The following CDHR5 variants were observed in gnomAD, a reference collection of about 807,000 sequenced individuals.
The protein encoded by CDHR5 is cadherin related family member 5, also known as cadherin-related family member 5.
A neutral mutation model predicts 69.5 loss-of-function variants in CDHR5; 82 were observed. The observed-to-expected ratio is 1.18, with a 90% CI of 0.99 to 1.42. The LOEUF (loss-of-function observed/expected upper bound fraction) is 1.42, where lower values mean the gene tolerates loss of function less well. Among genes scored for constraint, CDHR5 ranks in the 40% most tolerant of loss-of-function variants. CDHR5 has a pLI of 0.00. For missense variants in CDHR5, 1,293 were observed against 1,168.9 expected, an observed-to-expected ratio of 1.11 and a Z score of -1.55; for synonymous variants, 601 against 510.2, an observed-to-expected ratio of 1.18 and a Z score of -2.40.
chr11:623,360 C>T (rs748996509), intron 3 of CDHR5, among the ~76,000 whole-genome samples: 11 of 152,126 alleles, frequency 7.2e-5, no homozygotes, highest in Admixed American at 1.3e-4. Context: ...GTGCAGGTGA[C>T]GTGCCGTGGT....
intron 9 of CDHR5, 58 bp downstream of exon 9, chr11:620,009 C>T (rs993233400): frequency 3.0e-5 from 40 of 1,338,120 alleles, no homozygotes; most frequent in Middle Eastern, 2.5e-4. Context: ...CCTGACCCCC[C>T]GCCCTACCTT....
intron 12 of CDHR5, 47 bp downstream of exon 12, chr11:619,259 G>A: frequency 6.6e-7 from 1 of 1,513,206 alleles, no homozygotes; most frequent in Non-Finnish European, 9.1e-7. Context: ...CCACCGAAGG[G>A]GCTTATTTGG....
Position 619,187 on chromosome 11 carries a change from G to T in CDHR5, c.1379-7C>A, listed in dbSNP as rs753305678. On this transcript the variant is annotated splice_polypyrimidine_tract_variant and splice_region_variant and intron_variant, in intron 12 of 14. Coordinates refer to ENST00000397542, the MANE Select transcript of CDHR5 (RefSeq NM_021924.5). ...TCTGGGGATGGGGGGACATCTGGGG[G>T]CCGGGAACAGTGCTTGGGCTTGCCT... 4.6e-6 allele frequency: 7 copies of T among 1,512,702 alleles called. No homozygotes were observed. The highest frequency in any genetic ancestry group is 2.3e-5 in the East Asian group (1 of 43,214). The allele number at this position is 1,512,702 out of a possible 1,614,324, so 93.7% of individuals were successfully genotyped here.
chr11:617,619 C>T lies in CDHR5; in HGVS notation c.2270G>A (p.Gly757Asp). Residue 757 changes from glycine to aspartate, a missense_variant, in exon 15 of 15, where the codon GGT (glycine) becomes GAT (aspartate). By Grantham distance (94) the Gly-to-Asp change is moderately conservative. Coordinates refer to ENST00000397542, the MANE Select transcript of CDHR5 (RefSeq NM_021924.5). ...PAPPGPASPG[G>D]APEPPAAARA... ...GGCCGCTGCGGGGGGCTCAGGGGCA[C>T]CGCCTGGGGAGGCAGGGCCGGGGGG... The T allele has an allele frequency of 6.3e-7, 1 of 1,596,152 alleles. No homozygotes were observed.
At chr11:617,866 ACAT>A in intron 14 of CDHR5, 85 bp downstream of exon 14, 1 of 1,514,788 alleles carries the variant, frequency 6.6e-7, no homozygotes, top group Middle Eastern at 2.2e-4. Flanking sequence ...CTCCGTCTCC[ACAT>A]CTGTCCCTCT....
At position 621,420 on chromosome 11, in the gene CDHR5, G is replaced by A. The variant is rs1857377842; in HGVS notation, c.543C>T (p.Asn181=). The part of the protein sequence containing the change: ...ASDYFSLVSV[N]RPALRLDRPL... ...GCCGGTCCAGCCTCAGGGCGGGACG[G>A]TTTACACTCACCAGGGAGAAGTAGT... The change falls in exon 6 of 15, where the codon AAC becomes AAT. Residue 181 remains asparagine, a synonymous_variant. Transcript: ENST00000397542. The surrounding 1 kb of genome is among the most constrained non-coding windows in gnomAD (Gnocchi z 4.4). 2 of 1,612,776 alleles carry A rather than the reference G, an allele frequency of 1.2e-6. No homozygotes were observed. Among genetic ancestry groups the A allele is most frequent in the African/African-American group, 2.7e-5 (2 of 75,054 alleles).
chr11:620,980 C>CA, intron 7 of CDHR5, 100 bp downstream of exon 7: 1 of 806,622 alleles, frequency 1.2e-6, no homozygotes, highest in Admixed American at 3.2e-5. Flanking sequence ...GCCCCACCCC[C>CA]TGACCCCGAC....
At chr11:623,702 G>A (rs1300054470) in intron 3 of CDHR5, among the ~76,000 whole-genome samples, 1 of 152,112 alleles carries the variant, frequency 6.6e-6, no homozygotes. Context: ...ACATCCACAG[G>A]GGCTGTTCTG....
chr11:622,229 C>T (rs1186353850), intron 3 of CDHR5, among the ~76,000 whole-genome samples: 7 of 152,190 alleles, frequency 4.6e-5, no homozygotes, highest in Non-Finnish European at 7.3e-5. Flanking sequence ...CAGCTCTAGG[C>T]GTTGGGATTC....
chr11:622,287 G>A (rs546022113), intron 3 of CDHR5, among the ~76,000 whole-genome samples: 4 of 152,216 alleles, frequency 2.6e-5, no homozygotes, highest in Non-Finnish European at 5.9e-5. Context: ...TGTCCTGGCA[G>A]GACTTATAAC....
intron 3 of CDHR5, among the ~76,000 whole-genome samples, chr11:622,272 G>A (rs570499648): frequency 6.6e-6 from 1 of 152,350 alleles, no homozygotes; most frequent in African/African-American, 2.4e-5. Context: ...CTGCCTGGTG[G>A]TGCCTGTCCT....
At position 617,762 on chromosome 11, in the gene CDHR5, C is replaced by A; in HGVS notation, c.2127G>T (p.Gln709His). ...KCCCGKAPEP[Q>H]PQGFDNQAFL... is the part of the protein sequence containing the mutation. ...ACGCCTGGTTGTCAAAGCCTTGGGG[C>A]TGGGGCTCCTGCAGGCGGGAGTCGA... Residue 709 changes from glutamine to histidine, a missense_variant, in exon 15 of 15, where the codon CAG becomes CAT. Physicochemically the swap from Gln to His is conservative, Grantham distance 24 (BLOSUM62 0). Coordinates refer to ENST00000397542, the MANE Select transcript of CDHR5 (RefSeq NM_021924.5). 1 of 1,454,732 alleles carries A rather than the reference C, an allele frequency of 6.9e-7. No individual in the cohort carries two copies. The highest frequency in any genetic ancestry group is 9.0e-7 in the Non-Finnish European group (1 of 1,110,756). The allele number at this position is 1,454,732 out of a possible 1,614,324, so 90.1% of individuals were successfully genotyped here.
rs778447192 is a variant in CDHR5 at position 617,368 on chromosome 11, C to A, written c.2521G>T (p.Asp841Tyr). 1 of 1,606,324 alleles carries A rather than the reference C, an allele frequency of 6.2e-7. No homozygotes were observed. The highest frequency in any genetic ancestry group is 2.2e-5 in the East Asian group (1 of 44,736). Reference protein sequence around the residue: ...GGGPYDAPGGDDSYI With the variant: ...GGGPYDAPGGYDSYI Reference sequence around the variant, plus strand: ...GGGGCCACTTAGATGTAGGAGTCATCACCACCGGGCGCATCGTAGGGACCC... The same window carrying A: ...GGGGCCACTTAGATGTAGGAGTCATAACCACCGGGCGCATCGTAGGGACCC... The change falls in exon 15 of 15, where the codon GAT becomes TAT. Residue 841 changes from aspartate to tyrosine, a missense_variant. Coordinates refer to ENST00000397542, the MANE Select transcript of CDHR5 (RefSeq NM_021924.5).
chr11:618,459 GTGTC>G (rs1279257052), intron 13 of CDHR5, 136 bp downstream of exon 13: 2 of 1,042,950 alleles, frequency 1.9e-6, no homozygotes, highest in African/African-American at 1.6e-5. Context: ...GGGCCTGTCT[GTGTC>G]TGTCAGTCCC....
Position 624,366 on chromosome 11 carries a change from A to G in CDHR5, c.262-103T>C, listed in dbSNP as rs1375842610. The G allele has an allele frequency of 1.4e-6, 1 of 738,084 alleles. No homozygotes were observed. Among genetic ancestry groups the G allele is most frequent in the Non-Finnish European group, 2.5e-6 (1 of 402,532 alleles). The allele number at this position is 738,084 out of a possible 1,614,324, so 45.7% of individuals were successfully genotyped here. On this transcript the variant is annotated intron_variant, in intron 2 of 14. Transcript: ENST00000397542. The surrounding 1 kb of genome is among the most constrained non-coding windows in gnomAD (Gnocchi z 5.3). The stretch of plus-strand genomic sequence containing the variant: ...CCCAGGGTCCCCATCATCAGTGGTC[A>G]GTGCTGAGGGTGTGGGCCCAGGCAG...
Position 621,575 on chromosome 11 carries a change from TG to T in CDHR5, c.493del (p.Gln165ArgfsTer3). ...GGCGGCACTGACTGCTGTCATTTCC[TG>T]GAGGGTGTAGAACAGAATGTCGTCC... ...DKDDILFYTL[Q>X]EMTAGASDYF... On this transcript the variant is annotated frameshift_variant, in exon 5 of 15. Transcript: ENST00000397542. LOFTEE classifies it high-confidence loss of function. The surrounding 1 kb of genome is among the most constrained non-coding windows in gnomAD (Gnocchi z 4.4). 1 of 1,613,232 alleles carries T rather than the reference TG, an allele frequency of 6.2e-7. No individual in the cohort carries two copies. The highest frequency in any genetic ancestry group is 8.5e-7 in the Non-Finnish European group (1 of 1,179,422).
Position 618,923 on chromosome 11 carries a change from C to A in CDHR5, c.1636G>T (p.Gly546Ter). 6.2e-7 allele frequency: 1 copy of A among 1,608,438 alleles called. No individual in the cohort carries two copies. Among genetic ancestry groups the A allele is most frequent in the Non-Finnish European group, 8.5e-7 (1 of 1,176,670 alleles). ...CCGGGGGGCATCGGCTGAGAGGTTC[C>A]TGGCTTTGGGGTCTGTGCTGTGTCC... is the stretch of plus-strand genomic sequence containing the variant. Reference protein sequence around the residue: ...GGDTAQTPKPGTSQPMPPGVG... With the variant: ...GGDTAQTPKP Residue 546 changes from glycine (G) to a stop codon, truncating the protein, a stop_gained, in exon 13 of 15, where the codon GGA (glycine) becomes TGA (stop). Coordinates refer to ENST00000397542, the MANE Select transcript of CDHR5 (RefSeq NM_021924.5). LOFTEE classifies it high-confidence loss of function.
At chr11:619,209 G>C in intron 12 of CDHR5, 29 bp from the exon 13 acceptor site, 1 of 1,470,216 alleles carries the variant, frequency 6.8e-7, no homozygotes, top group Middle Eastern at 1.8e-4. Flanking sequence ...GCTTGGGCTT[G>C]CCTCTGCCCG....
rs1857432166 is a variant in CDHR5 at position 621,940 on chromosome 11, C to G, written c.313-36G>C. The G allele has an allele frequency of 5.1e-6, 8 of 1,553,674 alleles. No individual in the cohort carries two copies. In the East Asian group the frequency reaches 1.8e-4, roughly 35 times the overall value. ...TGGCCGTCAGCCTCTCCCACAGCCC[C>G]TCCCCGTTGTGAGGTGCACCCCTCG... On this transcript the variant is annotated intron_variant, in intron 3 of 14. Transcript: ENST00000397542. This position sits in a 1 kb window ranked among gnomAD's most constrained non-coding sequence, Gnocchi z 4.4.
Sources: allele counts gnomAD v4.1 joint callset (sites outside exome capture counted in the v4.1 genomes callset), GRCh38; gene constraint gnomAD v4.1.1; non-coding constraint Gnocchi (gnomAD v3.1); transcripts MANE v1.5; gene names NCBI Gene and HGNC (gene_info 2026-07-23, HGNC 2026-07-21).